The following ELAVL4 variants were observed in gnomAD, a reference collection of about 807,000 sequenced individuals.
ELAVL4 encodes the protein ELAV-like protein 4.
Under a neutral mutation model 35.6 loss-of-function variants are expected in ELAVL4, and 1 was observed. The ratio of observed to expected loss-of-function variants is 0.03; its 90% CI spans 0.01 to 0.13. ELAVL4 has a LOEUF of 0.13. ELAVL4 is among the 10% of genes least tolerant of loss of function. The probability of loss-of-function intolerance (pLI) is 1.00; values close to 1 mark genes in which losing one functional copy is unlikely to be tolerated. For synonymous variants in ELAVL4, 156 were observed against 171.0 expected (o/e 0.91, Z 0.69); for missense variants, 267 against 464.9 (o/e 0.57, Z 3.91).
At chr1:50,063,679 T>C (rs1353950716) in intron 1 of ELAVL4, among the ~76,000 whole-genome samples, 1 of 152,220 alleles carries the variant, frequency 6.6e-6, no homozygotes, top group Non-Finnish European at 1.5e-5. Context: ...CAGTTCTTGG[T>C]GAAGCATTTT....
intron 1 of ELAVL4, among the ~76,000 whole-genome samples, chr1:50,140,335 A>G (rs1164383949): frequency 6.6e-6 from 1 of 152,262 alleles, no homozygotes; most frequent in Non-Finnish European, 1.5e-5. Flanking sequence ...GATTTTGCCC[A>G]GCCAGCCTCT....
At chr1:50,083,929 A>G (rs1665121324) in intron 1 of ELAVL4, among the ~76,000 whole-genome samples, 1 of 152,202 alleles carries the variant, frequency 6.6e-6, no homozygotes, top group Non-Finnish European at 1.5e-5. Flanking sequence ...CATTTTGCAT[A>G]GCTGAGTCTT....
At chr1:50,181,085 C>T (rs1680948509) in intron 3 of ELAVL4, 1 of 152,118 alleles carries the variant, frequency 6.6e-6, no homozygotes, top group Admixed American at 6.5e-5. Flanking sequence ...TAGAGACACA[C>T]CCAGGATGAC....
intron 1 of ELAVL4, among the ~76,000 whole-genome samples, chr1:50,067,113 A>G (rs574639452): frequency 6.6e-6 from 1 of 152,256 alleles, no homozygotes; most frequent in East Asian, 1.9e-4. Flanking sequence ...TCCCCTCCCC[A>G]AGAAATTGAC....
At chr1:50,128,515 C>T (rs1374492654) in intron 1 of ELAVL4, among the ~76,000 whole-genome samples, 1 of 152,026 alleles carries the variant, frequency 6.6e-6, no homozygotes, top group African/African-American at 2.4e-5. Context: ...GAATCAAACA[C>T]AGTCGCAGTC....
At chr1:50,107,394 C>G (rs946523447), upstream of ELAVL4, among the ~76,000 whole-genome samples, 1 of 152,108 alleles carries the variant, frequency 6.6e-6, no homozygotes, top group Non-Finnish European at 1.5e-5. Flanking sequence ...ATGCAGTGTA[C>G]CCAACACATA....
chr1:50,193,097 TG>T (rs1682912405), intron 3 of ELAVL4, among the ~76,000 whole-genome samples: 1 of 152,176 alleles, frequency 6.6e-6, no homozygotes, highest in Admixed American at 6.5e-5. Context: ...TTATCTGCCC[TG>T]CTTCAAAGTT....
chr1:50,051,180 T>C (rs56246831), intron 1 of ELAVL4, among the ~76,000 whole-genome samples: 1,806 of 152,264 alleles, frequency 0.012, 19 homozygotes, highest in Non-Finnish European at 0.018. Context: ...AAGCAAAAAC[T>C]TTTCTCAAAA....
At chr1:50,075,762 T>A (rs1177541003) in intron 1 of ELAVL4, among the ~76,000 whole-genome samples, 3 of 152,122 alleles carry the variant, frequency 2.0e-5, no homozygotes, top group Admixed American at 1.3e-4. Context: ...CCGTCATAAG[T>A]TGAAAATACA....
intron 1 of ELAVL4, among the ~76,000 whole-genome samples, chr1:50,070,268 C>A (rs898043383): frequency 9.9e-5 from 15 of 152,154 alleles, no homozygotes; most frequent in Non-Finnish European, 2.2e-4. Context: ...CCAGAGAGGG[C>A]TGAAGACTGC....
At chr1:50,192,366 T>G (rs1572613571) in intron 3 of ELAVL4, among the ~76,000 whole-genome samples, 1 of 152,096 alleles carries the variant, frequency 6.6e-6, no homozygotes, top group Non-Finnish European at 1.5e-5. Context: ...TGGATGAGGG[T>G]TCTGCTCATC....
intron 1 of ELAVL4, among the ~76,000 whole-genome samples, chr1:50,068,387 A>G (rs1262915672): frequency 1.3e-5 from 2 of 152,160 alleles, no homozygotes; most frequent in Admixed American, 6.6e-5. Flanking sequence ...AGGATTTTCA[A>G]GAGGTAGAAG....
At chr1:50,179,688 CAGGACCATCT>C (rs1680706808) in intron 3 of ELAVL4, 2 of 152,310 alleles carry the variant, frequency 1.3e-5, no homozygotes, top group South Asian at 4.1e-4. Flanking sequence ...ACAGAGGTCT[CAGGACCATCT>C]AGTACATGTT....
chr1:50,141,330 G>A (rs1236545440), intron 1 of ELAVL4, among the ~76,000 whole-genome samples: 5 of 152,160 alleles, frequency 3.3e-5, no homozygotes, highest in Non-Finnish European at 7.4e-5. Flanking sequence ...ACAGAGAAGA[G>A]TTTCTAAAGA....
chr1:50,162,352 T>G (rs1252774304), intron 2 of ELAVL4, among the ~76,000 whole-genome samples: 1 of 152,184 alleles, frequency 6.6e-6, no homozygotes, highest in African/African-American at 2.4e-5. Context: ...ATAATAAGAC[T>G]CACGCGCCCG....
intron 2 of ELAVL4, among the ~76,000 whole-genome samples, chr1:50,152,394 C>G (rs149309769): frequency 8.6e-5 from 13 of 152,014 alleles, no homozygotes; most frequent in African/African-American, 2.9e-4. Context: ...GTTCACGCAG[C>G]CTTCTCTTCT....
At chr1:50,064,215 T>A (rs1664147354) in intron 1 of ELAVL4, among the ~76,000 whole-genome samples, 1 of 151,904 alleles carries the variant, frequency 6.6e-6, no homozygotes, top group Admixed American at 6.6e-5. Context: ...TCAAGGTGGG[T>A]CTTTCCTGGG....
At chr1:50,078,892 C>T (rs989959272) in intron 1 of ELAVL4, among the ~76,000 whole-genome samples, 1 of 152,088 alleles carries the variant, frequency 6.6e-6, no homozygotes, top group Non-Finnish European at 1.5e-5. Context: ...TGTGATGCTC[C>T]TTCCATTGTG....
chr1:50,094,850 A>G (rs1310552963), intron 1 of ELAVL4, among the ~76,000 whole-genome samples: 1 of 152,166 alleles, frequency 6.6e-6, no homozygotes, highest in Non-Finnish European at 1.5e-5. Flanking sequence ...TAATCTCCTG[A>G]ACCCGGGAGG....
Sources: allele counts gnomAD v4.1 joint callset (sites outside exome capture counted in the v4.1 genomes callset), GRCh38; gene constraint gnomAD v4.1.1; transcripts MANE v1.5; gene names NCBI Gene and HGNC (gene_info 2026-07-23, HGNC 2026-07-21).